Variants in NEBL observed in about 807,000 individuals in gnomAD.
NEBL encodes the protein LIM and SH3 protein 2.
A neutral mutation model predicts 140.2 loss-of-function variants in NEBL; 122 were observed. That is an observed-to-expected ratio of 0.87 (90% CI 0.75 to 1.01). NEBL has a LOEUF of 1.01. Ranked by LOEUF, NEBL falls within the 50% of genes least tolerant of loss-of-function variation. The probability of loss-of-function intolerance (pLI) is 0.00; values close to 1 mark genes in which losing one functional copy is unlikely to be tolerated. For synonymous variants in NEBL, 436 were observed against 398.9 expected, an observed-to-expected ratio of 1.09 and a Z score of -1.11; for missense variants, 1,365 against 1,231.3, an observed-to-expected ratio of 1.11 and a Z score of -1.62.
intron 3 of NEBL, among the ~76,000 whole-genome samples, chr10:20,985,262 A>T (rs1367096479): frequency 6.6e-6 from 1 of 152,150 alleles, no homozygotes; most frequent in Non-Finnish European, 1.5e-5. Context: ...AAAATGCCCC[A>T]CATCTGTAAT....
intron 2 of NEBL, chr10:21,126,064 C>T (rs1838815043): frequency 6.2e-7 from 1 of 1,614,130 alleles, no homozygotes; most frequent in Non-Finnish European, 8.5e-7. Context: ...TCTGGTCTCC[C>T]CAACCAGCTT....
At chr10:21,018,008 G>A (rs1838627802) in intron 3 of NEBL, among the ~76,000 whole-genome samples, 2 of 151,910 alleles carry the variant, frequency 1.3e-5, no homozygotes, top group Non-Finnish European at 2.9e-5. Flanking sequence ...TTTTTGTAGG[G>A]ATGAGGTTTC....
chr10:21,075,321 G>T (rs1258220997), intron 2 of NEBL, among the ~76,000 whole-genome samples: 2 of 152,142 alleles, frequency 1.3e-5, no homozygotes, highest in Non-Finnish European at 2.9e-5. Context: ...TCTTTAAAAT[G>T]GCTGGAGACG....
chr10:21,029,776 T>G, intron 2 of NEBL: 5 of 766,106 alleles, frequency 6.5e-6, no homozygotes, highest in Non-Finnish European at 9.4e-6. Context: ...GGGATCGCTA[T>G]GATGACCGAG....
intron 5 of NEBL, among the ~76,000 whole-genome samples, chr10:20,878,025 C>T (rs1381509006): frequency 6.6e-6 from 1 of 152,178 alleles, no homozygotes; most frequent in Non-Finnish European, 1.5e-5. Context: ...GACAATGATG[C>T]CACTTCACTA....
chr10:21,178,213 G>A (rs935617972), upstream of NEBL, among the ~76,000 whole-genome samples: 2 of 152,078 alleles, frequency 1.3e-5, no homozygotes, highest in Admixed American at 1.3e-4. Context: ...CAAACATTAG[G>A]GGAAATTCAA....
chr10:20,801,405 C>G (rs1837106337), intron 26 of NEBL, among the ~76,000 whole-genome samples: 1 of 151,836 alleles, frequency 6.6e-6, no homozygotes, highest in Admixed American at 6.6e-5. Flanking sequence ...CCATGTTGGC[C>G]AGGCTAGTCT....
intron 4 of NEBL, among the ~76,000 whole-genome samples, chr10:20,939,583 A>G (rs1187719375): frequency 6.6e-6 from 1 of 152,200 alleles, no homozygotes; most frequent in Non-Finnish European, 1.5e-5. Flanking sequence ...CACACATAAC[A>G]ATATTAACCT....
chr10:21,094,884 C>T (rs1256818449), intron 2 of NEBL, among the ~76,000 whole-genome samples: 3 of 152,198 alleles, frequency 2.0e-5, no homozygotes, highest in Admixed American at 6.5e-5. Context: ...AGAACCCTCT[C>T]GTCATAGTTT....
At chr10:20,937,429 G>A (rs997804010) in intron 4 of NEBL, among the ~76,000 whole-genome samples, 1 of 152,132 alleles carries the variant, frequency 6.6e-6, no homozygotes, top group African/African-American at 2.4e-5. Context: ...GCTGAAACAG[G>A]TCACTTCAAA....
intron 10 of NEBL, 45 bp from the exon 11 acceptor site, chr10:20,850,547 A>G (rs749906776): frequency 1.2e-5 from 15 of 1,252,290 alleles, no homozygotes; most frequent in Non-Finnish European, 1.8e-5. Context: ...AAGTCCTTAT[A>G]CAAACAGAGC....
intron 4 of NEBL, among the ~76,000 whole-genome samples, chr10:20,938,965 G>A (rs1443361398): frequency 2.0e-5 from 3 of 152,180 alleles, no homozygotes; most frequent in Admixed American, 6.5e-5. Flanking sequence ...TGTCTGCTTG[G>A]TGTACCTGAA....
At chr10:21,100,517 G>T (rs998803101) in intron 2 of NEBL, among the ~76,000 whole-genome samples, 8 of 152,194 alleles carry the variant, frequency 5.3e-5, no homozygotes, top group Non-Finnish European at 4.4e-5. Context: ...AGGCCGTCCA[G>T]TTTCCCGTGA....
At chr10:20,980,886 C>T (rs946789101) in intron 3 of NEBL, among the ~76,000 whole-genome samples, 1 of 152,184 alleles carries the variant, frequency 6.6e-6, no homozygotes, top group Non-Finnish European at 1.5e-5. Flanking sequence ...ATTTAATATT[C>T]TTCCAAGGCT....
chr10:21,046,155 A>T (rs1235861944), intron 2 of NEBL, among the ~76,000 whole-genome samples: 1 of 152,160 alleles, frequency 6.6e-6, no homozygotes, highest in Non-Finnish European at 1.5e-5. Context: ...ACATGATCTC[A>T]CTCATCCATG....
intron 3 of NEBL, among the ~76,000 whole-genome samples, chr10:21,242,440 G>A (rs999009762): frequency 6.6e-6 from 1 of 152,074 alleles, no homozygotes; most frequent in Non-Finnish European, 1.5e-5. Context: ...ACACAAAGAA[G>A]GGAATAACAG....
chr10:21,013,780 A>T (rs936128965), intron 3 of NEBL, among the ~76,000 whole-genome samples: 1 of 152,190 alleles, frequency 6.6e-6, no homozygotes, highest in Non-Finnish European at 1.5e-5. Context: ...CGGGAGGCTG[A>T]GGCAGGAGAA....
intron 3 of NEBL, among the ~76,000 whole-genome samples, chr10:21,190,253 G>A (rs1841550012): frequency 6.6e-6 from 1 of 152,040 alleles, no homozygotes; most frequent in Admixed American, 6.5e-5. Flanking sequence ...GCCAAGGTGG[G>A]AGGATCACTT....
intron 9 of NEBL, 31 bp downstream of exon 9, chr10:20,858,209 A>T (rs1843285436): frequency 6.5e-7 from 1 of 1,527,182 alleles, no homozygotes; most frequent in Non-Finnish European, 9.1e-7. Context: ...GCCACAAGGC[A>T]ACTACGGTTG....
Sources: gnomAD v4.1 joint callset for allele counts (sites outside exome capture counted in the v4.1 genomes callset) on GRCh38, gnomAD v4.1.1 for gene constraint, MANE v1.5 for transcripts, NCBI Gene and HGNC (gene_info 2026-07-23, HGNC 2026-07-21) for gene names.